DNAJC1: variants seen among roughly 807,000 people sequenced by gnomAD.
DNAJC1 encodes the protein dnaJ homolog subfamily C member 1.
DNAJC1 carries 58 observed loss-of-function variants against 76.6 expected under a neutral mutation model. The observed-to-expected ratio is 0.76, with a 90% confidence interval of 0.61 to 0.94. The LOEUF (loss-of-function observed/expected upper bound fraction) is 0.94, where lower values mean the gene tolerates loss of function less well. DNAJC1 is among the 40% of genes least tolerant of loss of function. DNAJC1 has a pLI of 0.00. For missense variants in DNAJC1, 689 were observed against 677.3 expected (o/e 1.02, Z -0.19); for synonymous variants, 258 against 267.9 (o/e 0.96, Z 0.36).
chr10:21,870,285 T>C (rs1051034984), intron 8 of DNAJC1, among the ~76,000 whole-genome samples: 4 of 152,060 alleles, frequency 2.6e-5, no homozygotes, highest in African/African-American at 7.2e-5. Flanking sequence ...TTAGCAAAAC[T>C]AGAAAGAAAA....
At position 21,771,183 on chromosome 10, in the gene DNAJC1, GT is replaced by G. The variant is rs569804503; in HGVS notation, c.1099-4875del. 1.6e-3 allele frequency among the ~76,000 whole-genome samples: 245 copies of G among 151,844 alleles called. 1 individual carries two copies. Among genetic ancestry groups the G allele is most frequent in the African/African-American group, 5.3e-3 (221 of 41,402 alleles). ...GCTAAACTCATTTATTAGTTCCAAT[GT>G]TTTTTTTAGTGCATTTCTCAAGATT... On this transcript the variant is annotated intron_variant, in intron 9 of 11. Coordinates refer to ENST00000376980, the MANE Select transcript of DNAJC1 (RefSeq NM_022365.4).
intron 9 of DNAJC1, among the ~76,000 whole-genome samples, chr10:21,771,759 A>G (rs1374655081): frequency 2.0e-5 from 3 of 152,180 alleles, no homozygotes; most frequent in South Asian, 2.1e-4. Flanking sequence ...TGGCCTCCCA[A>G]AGCGTTGGTA....
intron 7 of DNAJC1, among the ~76,000 whole-genome samples, chr10:21,884,001 G>A (rs986679082): frequency 1.3e-5 from 2 of 152,118 alleles, no homozygotes; most frequent in Non-Finnish European, 2.9e-5. Context: ...ATAGAGAAGA[G>A]AGTTGACTTT....
intron 6 of DNAJC1, among the ~76,000 whole-genome samples, chr10:21,915,390 T>C (rs983554079): frequency 1.2e-4 from 19 of 152,164 alleles, no homozygotes; most frequent in Non-Finnish European, 2.9e-5. Flanking sequence ...GAAATTAAAC[T>C]GAAGAACTAT....
At chr10:21,829,035 CTTTCT>C (rs988575228) in intron 8 of DNAJC1, among the ~76,000 whole-genome samples, 13 of 151,952 alleles carry the variant, frequency 8.6e-5, no homozygotes, top group Non-Finnish European at 1.8e-4. Flanking sequence ...CATCCCTTTA[CTTTCT>C]TTTCTTTTTG....
chr10:21,907,309 TG>T lies in DNAJC1; in HGVS notation c.730-2698del, dbSNP rs1454783123. 5.3e-5 allele frequency among the ~76,000 whole-genome samples: 8 copies of T among 151,676 alleles called. No individual in the cohort carries two copies. The South Asian group carries it at 8.3e-4, about 16-fold the overall frequency. On this transcript the variant is annotated intron_variant, in intron 6 of 11. Transcript: ENST00000376980. ...TAAGCATTTATTTAAACATTCCTCATGTTTTTTTTTTTTCATATCTTACCTA... is the reference window on the plus strand; with the variant it reads ...TAAGCATTTATTTAAACATTCCTCATTTTTTTTTTTTTCATATCTTACCTA...
chr10:21,769,838 C>T (rs562346415), intron 9 of DNAJC1, among the ~76,000 whole-genome samples: 1 of 152,160 alleles, frequency 6.6e-6, no homozygotes, highest in African/African-American at 2.4e-5. Context: ...AGGCATGAGC[C>T]ACCACGCCAG....
chr10:21,758,557 C>A (rs1834203388), intron 11 of DNAJC1, among the ~76,000 whole-genome samples: 1 of 152,250 alleles, frequency 6.6e-6, no homozygotes, highest in Non-Finnish European at 1.5e-5. Context: ...ACGGCCACGG[C>A]CGTGGAAAGT....
intron 1 of DNAJC1, among the ~76,000 whole-genome samples, chr10:21,955,809 A>C (rs1445804511): frequency 6.6e-6 from 1 of 152,182 alleles, no homozygotes; most frequent in Non-Finnish European, 1.5e-5. Flanking sequence ...AGCTATTTTC[A>C]CATATTGTGT....
chr10:21,777,435 T>A (rs1834466344), intron 9 of DNAJC1, among the ~76,000 whole-genome samples: 1 of 152,176 alleles, frequency 6.6e-6, no homozygotes, highest in African/African-American at 2.4e-5. Context: ...CCTTGGATAT[T>A]TCTGTGGTTC....
chr10:21,781,459 C>T (rs768910776), intron 9 of DNAJC1, among the ~76,000 whole-genome samples: 48 of 152,264 alleles, frequency 3.2e-4, no homozygotes, highest in Non-Finnish European at 4.4e-4. Context: ...CGGTGGCTCA[C>T]GCCTGTAATC....
chr10:21,951,037 T>C (rs1564836400), intron 1 of DNAJC1, among the ~76,000 whole-genome samples: 1 of 149,974 alleles, frequency 6.7e-6, no homozygotes, highest in East Asian at 1.9e-4. Context: ...CCAGATAGAT[T>C]AAAAAAAAAA....
At chr10:21,947,940 T>A (rs1306673957) in intron 1 of DNAJC1, among the ~76,000 whole-genome samples, 1 of 152,186 alleles carries the variant, frequency 6.6e-6, no homozygotes, top group Non-Finnish European at 1.5e-5. Context: ...TTATTTCTAA[T>A]AATTTATCAT....
intron 8 of DNAJC1, among the ~76,000 whole-genome samples, chr10:21,824,402 G>T (rs573476466): frequency 6.6e-6 from 1 of 152,108 alleles, no homozygotes; most frequent in Non-Finnish European, 1.5e-5. Flanking sequence ...ACAAACATGC[G>T]GTGAATAACA....
chr10:21,873,201 G>C (rs575780509), intron 8 of DNAJC1, among the ~76,000 whole-genome samples: 3 of 152,132 alleles, frequency 2.0e-5, no homozygotes, highest in Non-Finnish European at 2.9e-5. Context: ...TGGGGAGCTC[G>C]GATTTTGGAG....
At chr10:21,875,641 A>G (rs1836174753) in intron 8 of DNAJC1, among the ~76,000 whole-genome samples, 1 of 152,168 alleles carries the variant, frequency 6.6e-6, no homozygotes, top group Non-Finnish European at 1.5e-5. Flanking sequence ...GAATTAAAAA[A>G]TAAGCTAGGC....
intron 8 of DNAJC1, among the ~76,000 whole-genome samples, chr10:21,860,179 A>C (rs1039279640): frequency 1.3e-5 from 2 of 152,176 alleles, no homozygotes; most frequent in South Asian, 4.1e-4. Context: ...AAAAAAAAAA[A>C]AAACCTTAAG....
chr10:21,989,617 AT>A, intron 1 of DNAJC1, among the ~76,000 whole-genome samples: 1 of 152,284 alleles, frequency 6.6e-6, no homozygotes, highest in East Asian at 1.9e-4. Context: ...GGAAAAAAAA[AT>A]GCGAAAGTGA....
chr10:21,994,440 G>A (rs1452190359), intron 1 of DNAJC1, among the ~76,000 whole-genome samples: 1 of 152,132 alleles, frequency 6.6e-6, no homozygotes, highest in Non-Finnish European at 1.5e-5. Context: ...CTATAGAACT[G>A]CACAACATGG....
Sources: gnomAD v4.1 joint callset for allele counts (sites outside exome capture counted in the v4.1 genomes callset) on GRCh38, gnomAD v4.1.1 for gene constraint, MANE v1.5 for transcripts, NCBI Gene and HGNC (gene_info 2026-07-23, HGNC 2026-07-21) for gene names.